Variants in SYNE1 observed in about 807,000 individuals in gnomAD.
SYNE1 encodes spectrin repeat containing nuclear envelope protein 1, also known as nesprin-1.
Under a neutral mutation model 1,111.0 loss-of-function variants are expected in SYNE1, and 616 were observed. The ratio of observed to expected loss-of-function variants is 0.55; its 90% confidence interval spans 0.52 to 0.59. The LOEUF is 0.59. SYNE1 is among the 20% of genes least tolerant of loss of function. SYNE1 has a pLI of 0.00. For missense variants in SYNE1, 10,006 were observed against 10,417.0 expected (o/e 0.96, Z 1.72); for synonymous variants, 3,855 against 3,825.8 (o/e 1.01, Z -0.28).
Position 152,132,948 on chromosome 6 carries a change from C to T in SYNE1, c.26001+328G>A, listed in dbSNP as rs891421180. 2.7e-5 allele frequency among the ~76,000 whole-genome samples: 4 copies of T among 149,208 alleles called. No homozygotes were observed. The South Asian group carries it at 8.4e-4, about 32-fold the overall frequency. On this transcript the variant is annotated intron_variant, in intron 143 of 145. Coordinates refer to ENST00000367255, the MANE Select transcript of SYNE1 (RefSeq NM_182961.4). ...GGTTAAATACAAAACTCAGATACAACAATTGGTTTGCTCTACCATGGCTGT... is the reference window on the plus strand; with the variant it reads ...GGTTAAATACAAAACTCAGATACAATAATTGGTTTGCTCTACCATGGCTGT...
rs1468071114 is a variant in SYNE1 at position 152,149,573 on chromosome 6, T to C, written c.24546A>G (p.Ala8182=). 1 of 1,614,178 alleles carries C rather than the reference T, an allele frequency of 6.2e-7. No homozygotes were observed. The highest frequency in any genetic ancestry group is 1.1e-5 in the South Asian group (1 of 91,082). Residue 8182 remains alanine, a synonymous_variant, in exon 136 of 146, where the codon GCA becomes GCG. Transcript: ENST00000367255. ...CATCTAGTTCCTCCTCGATGATCGC[T>C]GCATCCAAGGGCTCACTCTTTTCTA... ...QLIEKSEPLD[A]AIIEEELDEL... is the part of the protein sequence containing the mutation.
rs913240418 is a variant in SYNE1 at position 152,162,483 on chromosome 6, A to G, written c.23790+1680T>C. ...TTAACTAGATATTTTGTTGATTTTC[A>G]TACACTTGTGAAATTACGATACCCG... is the stretch of plus-strand genomic sequence containing the variant. On this transcript the variant is annotated intron_variant, in intron 131 of 145. Coordinates refer to ENST00000367255, the MANE Select transcript of SYNE1 (RefSeq NM_182961.4). Among the ~76,000 whole-genome samples, 70 of 152,180 alleles carry G rather than the reference A, an allele frequency of 4.6e-4. 1 individual carries two copies. The highest frequency in any genetic ancestry group is 4.4e-3 in the Admixed American group (68 of 15,282).
intron 65 of SYNE1, 26 bp downstream of exon 65, chr6:152,359,289 T>C (rs780583282): frequency 8.1e-6 from 13 of 1,612,890 alleles, no homozygotes; most frequent in Non-Finnish European, 1.1e-5. Context: ...TTTTGGTGAG[T>C]CTACAAGGAA....
intron 36 of SYNE1, among the ~76,000 whole-genome samples, chr6:152,429,148 C>T (rs917627017): frequency 1.1e-4 from 17 of 150,956 alleles, no homozygotes; most frequent in Non-Finnish European, 1.6e-4. Context: ...TGTGGCAGGC[C>T]CTGCATTACC....
chr6:152,167,351 C>T (rs1000793863), intron 130 of SYNE1, among the ~76,000 whole-genome samples: 3 of 152,016 alleles, frequency 2.0e-5, no homozygotes, highest in African/African-American at 7.2e-5. Context: ...TAACCCAAAA[C>T]AAAACAAAAA....
intron 98 of SYNE1, chr6:152,277,659 A>C (rs1753622300): frequency 9.1e-6 from 2 of 219,436 alleles, no homozygotes; most frequent in Non-Finnish European, 1.9e-5. Flanking sequence ...TATTTTTCTG[A>C]TCTTAAAATG....
intron 22 of SYNE1, chr6:152,456,843 A>G: frequency 3.0e-6 from 1 of 334,246 alleles, no homozygotes; most frequent in South Asian, 2.3e-5. Flanking sequence ...TTTGGATGCC[A>G]TTTTTGGATA....
chr6:152,516,698 C>A (rs936581570), intron 6 of SYNE1, among the ~76,000 whole-genome samples: 2 of 152,138 alleles, frequency 1.3e-5, no homozygotes, highest in Non-Finnish European at 1.5e-5. Flanking sequence ...CCCACCTCAG[C>A]CTCTCGAGTA....
chr6:152,376,557 G>T lies in SYNE1; in HGVS notation c.9148C>A (p.Leu3050Ile). 6.2e-7 allele frequency: 1 copy of T among 1,613,808 alleles called. No individual in the cohort carries two copies. Among genetic ancestry groups the T allele is most frequent in the Non-Finnish European group, 8.5e-7 (1 of 1,180,010 alleles). Residue 3050 changes from leucine (L) to isoleucine (I), a missense_variant and splice_region_variant, in exon 58 of 146, where the codon CTT (leucine) becomes ATT (isoleucine). By Grantham distance (5) the Leu-to-Ile change is conservative. Coordinates refer to ENST00000367255, the MANE Select transcript of SYNE1 (RefSeq NM_182961.4). Reference sequence around the variant, plus strand: ...CAGCCCTTGGATGCTTGCAAACAAAGACTGAAAAGGTGACGCAAAAATTTA... The same window carrying T: ...CAGCCCTTGGATGCTTGCAAACAAATACTGAAAAGGTGACGCAAAAATTTA... ...VSGLIKEYNC[L>I]CLQASKGCQN...
intron 51 of SYNE1, among the ~76,000 whole-genome samples, chr6:152,394,793 T>A (rs1179720466): frequency 1.3e-5 from 2 of 150,074 alleles, no homozygotes; most frequent in African/African-American, 4.9e-5. Context: ...TTTTCCTTTT[T>A]TTTTTTTTTT....
rs200066196 is a variant in SYNE1, at chr6:152,214,193, C to CAA, written c.22347-436_22347-435dup. ...GGGTGACAAGAATGAAACTCCGTCT[C>CAA]AAAAAAAAAAAAAAAAAGAAGAAAG... On this transcript the variant is annotated intron_variant, in intron 122 of 145. Coordinates refer to ENST00000367255, the MANE Select transcript of SYNE1 (RefSeq NM_182961.4). Among the ~76,000 whole-genome samples, 15 of 59,856 alleles carry CAA rather than the reference C, an allele frequency of 2.5e-4. No homozygotes were observed. The South Asian group carries it at 7.4e-3, about 30-fold the overall frequency. The allele number at this position is 59,856 out of a possible 152,430, so 39.3% of individuals were successfully genotyped here. A position where few individuals can be genotyped will look rare whatever the true frequency, so the allele number is the denominator to read the frequency against.
chr6:152,392,482 C>T (rs1418424865), intron 51 of SYNE1, among the ~76,000 whole-genome samples: 1 of 152,124 alleles, frequency 6.6e-6, no homozygotes, highest in Admixed American at 6.6e-5. Flanking sequence ...CAGAGGGTAG[C>T]ATGGGATGTC....
intron 4 of SYNE1, among the ~76,000 whole-genome samples, chr6:152,536,834 T>C (rs2127924616): frequency 6.6e-6 from 1 of 152,218 alleles, no homozygotes; most frequent in Non-Finnish European, 1.5e-5. Context: ...CATTTAAGCT[T>C]AGAACTCTAA....
intron 91 of SYNE1, among the ~76,000 whole-genome samples, chr6:152,306,271 A>G (rs950997494): frequency 2.6e-5 from 4 of 152,170 alleles, no homozygotes; most frequent in African/African-American, 9.6e-5. Flanking sequence ...GGATCACTTG[A>G]GGTCAGGAGT....
intron 128 of SYNE1, among the ~76,000 whole-genome samples, chr6:152,187,807 C>A (rs758043702): frequency 6.6e-5 from 10 of 152,106 alleles, no homozygotes; most frequent in Admixed American, 6.6e-4. Context: ...CTCACTGCAA[C>A]CTCCGGCTCC....
In SYNE1 at chr6:152,149,236, A is replaced by G. The variant is rs566041574; in HGVS notation, c.24642+241T>C. Among the ~76,000 whole-genome samples the G allele has an allele frequency of 2.3e-3, 347 of 152,286 alleles. 2 individuals carry two copies. Among genetic ancestry groups the G allele is most frequent in the South Asian group, 4.2e-3 (20 of 4,810 alleles). Reference sequence around the variant, plus strand: ...ATTAACTCATCTAATGCTCAAAACAATCCTTTGTACAGGGTAGTTACTGCT... The same window carrying G: ...ATTAACTCATCTAATGCTCAAAACAGTCCTTTGTACAGGGTAGTTACTGCT... On this transcript the variant is annotated intron_variant, in intron 136 of 145. Transcript: ENST00000367255.
At chr6:152,350,468 A>T in intron 71 of SYNE1, 133 bp from the exon 72 acceptor site, 2 of 1,480,714 alleles carry the variant, frequency 1.4e-6, no homozygotes, top group Non-Finnish European at 1.9e-6. Context: ...AATGGAAAAC[A>T]ACATAGTCAT....
intron 130 of SYNE1, among the ~76,000 whole-genome samples, chr6:152,174,719 G>A (rs981610500): frequency 1.3e-5 from 2 of 152,228 alleles, no homozygotes; most frequent in Non-Finnish European, 2.9e-5. Flanking sequence ...CAATGTGTGC[G>A]TGATGATGGA....
chr6:152,396,766 C>T lies in SYNE1; in HGVS notation c.7556+9G>A, dbSNP rs561756705. 1 of 1,613,520 alleles carries T rather than the reference C, an allele frequency of 6.2e-7. No homozygotes were observed. The highest frequency in any genetic ancestry group is 1.3e-5 in the African/African-American group (1 of 75,026). On this transcript the variant is annotated intron_variant, in intron 50 of 145. Coordinates refer to ENST00000367255, the MANE Select transcript of SYNE1 (RefSeq NM_182961.4). Reference sequence around the variant, plus strand: ...TATGATGAAATCTATGTTTGTTAAACTAACCTACCTTCCAAGTTCTGAAGC... The same window carrying T: ...TATGATGAAATCTATGTTTGTTAAATTAACCTACCTTCCAAGTTCTGAAGC...
Sources: gnomAD v4.1 joint callset for allele counts (sites outside exome capture counted in the v4.1 genomes callset) on GRCh38, gnomAD v4.1.1 for gene constraint, MANE v1.5 for transcripts, NCBI Gene and HGNC (gene_info 2026-07-23, HGNC 2026-07-21) for gene names.